The following ZNF385D variants were observed in gnomAD, a reference collection of about 807,000 sequenced individuals.
The protein encoded by ZNF385D is zinc finger protein 385D.
A neutral mutation model predicts 35.8 loss-of-function variants in ZNF385D; 15 were observed. That is an observed-to-expected ratio of 0.42 (90% CI 0.28 to 0.64). The LOEUF (loss-of-function observed/expected upper bound fraction) is 0.64, where lower values mean the gene tolerates loss of function less well. Among genes scored for constraint, ZNF385D ranks in the 30% least tolerant of loss-of-function variants. The probability of loss-of-function intolerance (pLI) is 0.23; values close to 1 mark genes in which losing one functional copy is unlikely to be tolerated. For missense variants in ZNF385D, 474 were observed against 494.6 expected (o/e 0.96, Z 0.39); for synonymous variants, 212 against 186.8 (o/e 1.13, Z -1.10).
rs1451898556 is a variant in ZNF385D at position 21,417,628 on chromosome 3, C to T, written c.*3586G>A. On this transcript the variant is annotated 3_prime_UTR_variant, in exon 8 of 8. Coordinates refer to ENST00000281523, the MANE Select transcript of ZNF385D (RefSeq NM_024697.3). The stretch of plus-strand genomic sequence containing the variant: ...ATTGTAATTGGTGATATTTATTGCT[C>T]ATGTCTACTATGTGTTGGTTTGTGC... 1 of 152,076 alleles carries T rather than the reference C, an allele frequency of 6.6e-6. No homozygotes were observed. Among genetic ancestry groups the T allele is most frequent in the Non-Finnish European group, 1.5e-5 (1 of 67,986 alleles). The allele number at this position is 152,076 out of a possible 1,614,324, so 9.4% of individuals were successfully genotyped here.
At chr3:21,923,181 C>T (rs147327484) in intron 3 of ZNF385D, among the ~76,000 whole-genome samples, 1 of 152,098 alleles carries the variant, frequency 6.6e-6, no homozygotes, top group African/African-American at 2.4e-5. Context: ...TATCCCTCCC[C>T]CATCCCCCCA....
chr3:22,173,868 T>C (rs1036560003), intron 2 of ZNF385D, among the ~76,000 whole-genome samples: 8 of 152,042 alleles, frequency 5.3e-5, no homozygotes, highest in Non-Finnish European at 1.0e-4. Context: ...GGTTGAAAAA[T>C]CCAATATGGA....
chr3:21,698,926 G>A (rs11709774), intron 1 of ZNF385D, among the ~76,000 whole-genome samples: 19,818 of 152,064 alleles, frequency 0.13, 1,509 homozygotes, highest in East Asian at 0.22. Context: ...TGTGGAAGAC[G>A]CTGTGGCAAT....
chr3:21,885,740 C>CTGTGTGTGTGTGTG lies in ZNF385D; in HGVS notation c.326-220726_326-220713dup, dbSNP rs3074769. Among the ~76,000 whole-genome samples the CTGTGTGTGTGTGTG allele has an allele frequency of 4.9e-3, 498 of 101,250 alleles. 5 individuals carry two copies. The highest frequency in any genetic ancestry group is 6.2e-3 in the Non-Finnish European group (306 of 49,522). 66.4% of individuals were successfully genotyped at this position (101,250 alleles called of 152,430 possible). The stretch of plus-strand genomic sequence containing the variant: ...GAAATAGAACAGGGTGTGTCTGTGT[C>CTGTGTGTGTGTGTG]TGTGTGTGTGTGTGTGTGTGTGTGT... On this transcript the variant is annotated intron_variant, in intron 3 of 5. Transcript: ENST00000494108.
chr3:22,184,070 AT>A (rs1474506587), intron 2 of ZNF385D, among the ~76,000 whole-genome samples: 4 of 152,140 alleles, frequency 2.6e-5, no homozygotes, highest in Non-Finnish European at 4.4e-5. Context: ...AGGAGTTCTG[AT>A]CATTAATTTA....
At chr3:21,693,907 G>A (rs2067371296) in intron 1 of ZNF385D, among the ~76,000 whole-genome samples, 1 of 144,316 alleles carries the variant, frequency 6.9e-6, no homozygotes, top group Admixed American at 6.9e-5. Flanking sequence ...TTGAGACGGA[G>A]TCTCACTGTC....
chr3:22,143,878 A>C (rs1037530351), intron 3 of ZNF385D, among the ~76,000 whole-genome samples: 3 of 152,194 alleles, frequency 2.0e-5, no homozygotes, highest in African/African-American at 7.2e-5. Context: ...TTTGTCATTA[A>C]CATCATACAC....
chr3:21,885,844 T>A (rs1698520311), intron 3 of ZNF385D, among the ~76,000 whole-genome samples: 1 of 151,746 alleles, frequency 6.6e-6, no homozygotes, highest in African/African-American at 2.4e-5. Context: ...TCTGTGAGTC[T>A]GAAATCTGCA....
intron 3 of ZNF385D, among the ~76,000 whole-genome samples, chr3:22,123,114 A>G (rs145366788): frequency 6.6e-6 from 1 of 152,200 alleles, no homozygotes; most frequent in East Asian, 1.9e-4. Flanking sequence ...TGATGAGTTG[A>G]TAGATTGTTG....
At chr3:22,003,357 T>A (rs1219712511) in intron 3 of ZNF385D, among the ~76,000 whole-genome samples, 1 of 152,068 alleles carries the variant, frequency 6.6e-6, no homozygotes, top group Non-Finnish European at 1.5e-5. Context: ...TTCCTGTGAA[T>A]AAATTTAATC....
intron 3 of ZNF385D, among the ~76,000 whole-genome samples, chr3:22,089,523 G>A (rs1701215438): frequency 6.6e-6 from 1 of 152,154 alleles, no homozygotes; most frequent in Non-Finnish European, 1.5e-5. Flanking sequence ...CATGGCTTCT[G>A]TAAGTGTGCT....
intron 2 of ZNF385D, among the ~76,000 whole-genome samples, chr3:21,570,661 A>G (rs2063308043): frequency 6.6e-6 from 1 of 152,200 alleles, no homozygotes; most frequent in East Asian, 1.9e-4. Context: ...TGATGGTCAT[A>G]GAATTTTTAT....
chr3:21,662,326 G>A (rs1382178658), intron 2 of ZNF385D, among the ~76,000 whole-genome samples: 1 of 152,122 alleles, frequency 6.6e-6, no homozygotes, highest in African/African-American at 2.4e-5. Flanking sequence ...GATGATCAGA[G>A]GAAGTCTCCC....
chr3:21,662,847 G>A (rs538956424), intron 2 of ZNF385D, among the ~76,000 whole-genome samples: 1 of 152,314 alleles, frequency 6.6e-6, no homozygotes, highest in South Asian at 2.1e-4. Context: ...AATCAGAAGG[G>A]TTTACAAGCT....
intron 1 of ZNF385D, among the ~76,000 whole-genome samples, chr3:21,676,354 T>C (rs1468675023): frequency 1.3e-5 from 2 of 152,148 alleles, no homozygotes; most frequent in African/African-American, 4.8e-5. Context: ...CTCAATGTGA[T>C]TGTTTCTTCT....
chr3:21,859,202 T>C (rs1696902408), intron 3 of ZNF385D, among the ~76,000 whole-genome samples: 1 of 151,984 alleles, frequency 6.6e-6, no homozygotes, highest in African/African-American at 2.4e-5. Flanking sequence ...TCCTGAGCCT[T>C]TCTGCTCCAG....
At chr3:21,831,371 T>C (rs1575738209) in intron 3 of ZNF385D, among the ~76,000 whole-genome samples, 1 of 152,158 alleles carries the variant, frequency 6.6e-6, no homozygotes, top group East Asian at 1.9e-4. Flanking sequence ...TAGTAGGTAA[T>C]CAAAAGTATT....
intron 3 of ZNF385D, among the ~76,000 whole-genome samples, chr3:22,035,310 G>C (rs1194406198): frequency 6.6e-6 from 1 of 152,172 alleles, no homozygotes; most frequent in Non-Finnish European, 1.5e-5. Flanking sequence ...GGGCTGGACA[G>C]TCTTGTTCCC....
intron 3 of ZNF385D, among the ~76,000 whole-genome samples, chr3:22,075,379 A>C: frequency 6.6e-6 from 1 of 151,940 alleles, no homozygotes; most frequent in South Asian, 2.1e-4. Context: ...ATTTCACTCT[A>C]ATCTGATTCC....
Sources: allele counts gnomAD v4.1 joint callset (sites outside exome capture counted in the v4.1 genomes callset), GRCh38; gene constraint gnomAD v4.1.1; transcripts MANE v1.5; gene names NCBI Gene and HGNC (gene_info 2026-07-23, HGNC 2026-07-21).